The following PPP1R13B variants were observed in gnomAD, a reference collection of about 807,000 sequenced individuals.
PPP1R13B encodes the protein protein phosphatase 1 regulatory subunit 13B.
Under a neutral mutation model 119.8 loss-of-function variants are expected in PPP1R13B, and 44 were observed. The observed-to-expected ratio is 0.37, with a 90% CI of 0.29 to 0.47. The LOEUF is 0.47. Among genes scored for constraint, PPP1R13B ranks in the 20% least tolerant of loss-of-function variants. The pLI is 0.99. For synonymous variants in PPP1R13B, 542 were observed against 561.5 expected (o/e 0.97, Z 0.49); for missense variants, 1,227 against 1,413.5 (o/e 0.87, Z 2.12).
chr14:103,843,289 A>C (rs2086950896), intron 1 of PPP1R13B, among the ~76,000 whole-genome samples: 1 of 150,920 alleles, frequency 6.6e-6, no homozygotes, highest in African/African-American at 2.4e-5. Flanking sequence ...CACGAGAATC[A>C]CTTGAATCCA....
chr14:103,834,929 C>G (rs556435151), intron 1 of PPP1R13B, among the ~76,000 whole-genome samples: 1 of 152,122 alleles, frequency 6.6e-6, no homozygotes, highest in African/African-American at 2.4e-5. Context: ...TATTCTCTCT[C>G]TGTCCATATT....
At chr14:103,836,586 T>C (rs908702160) in intron 1 of PPP1R13B, among the ~76,000 whole-genome samples, 6 of 151,634 alleles carry the variant, frequency 4.0e-5, no homozygotes, top group Non-Finnish European at 5.9e-5. Flanking sequence ...CTAGCCAACA[T>C]GGCGAAACCC....
At chr14:103,781,160 A>T (rs781025637) in intron 3 of PPP1R13B, among the ~76,000 whole-genome samples, 1 of 152,200 alleles carries the variant, frequency 6.6e-6, no homozygotes, top group Admixed American at 6.6e-5. Context: ...GACATTAAGG[A>T]TTATGTACAT....
At chr14:103,841,954 C>CT (rs1173331208) in intron 1 of PPP1R13B, among the ~76,000 whole-genome samples, 2 of 152,138 alleles carry the variant, frequency 1.3e-5, no homozygotes, top group African/African-American at 4.8e-5. Flanking sequence ...CCCGAAGAGA[C>CT]TAAGTCCAAA....
At chr14:103,804,994 G>A (rs888862354) in intron 1 of PPP1R13B, among the ~76,000 whole-genome samples, 7 of 152,000 alleles carry the variant, frequency 4.6e-5, no homozygotes, top group African/African-American at 7.2e-5. Flanking sequence ...ACGCTATCAC[G>A]CCTGGCTAAT....
At chr14:103,843,709 C>T (rs139867377) in intron 1 of PPP1R13B, among the ~76,000 whole-genome samples, 49 of 152,278 alleles carry the variant, frequency 3.2e-4, no homozygotes, top group Non-Finnish European at 4.3e-4. Flanking sequence ...TATCCCAGCA[C>T]GTTGGGAGGC....
chr14:103,775,206 A>G (rs1054088739), intron 4 of PPP1R13B, among the ~76,000 whole-genome samples: 1 of 152,024 alleles, frequency 6.6e-6, no homozygotes, highest in Admixed American at 6.6e-5. Flanking sequence ...CAATGTATCT[A>G]TTTAATCTTC....
chr14:103,810,712 A>C (rs901205007), intron 1 of PPP1R13B, among the ~76,000 whole-genome samples: 3 of 151,932 alleles, frequency 2.0e-5, no homozygotes, highest in Admixed American at 1.3e-4. Context: ...TGGCGCTTGC[A>C]GTGAGCCGAG....
At chr14:103,824,925 T>C (rs2086501310) in intron 1 of PPP1R13B, among the ~76,000 whole-genome samples, 2 of 149,654 alleles carry the variant, frequency 1.3e-5, no homozygotes, top group Admixed American at 1.3e-4. Flanking sequence ...TGCTTTGCTT[T>C]ATTGAGTTCT....
At chr14:103,825,845 T>TC (rs1448142251) in intron 1 of PPP1R13B, among the ~76,000 whole-genome samples, 1 of 96,380 alleles carries the variant, frequency 1.0e-5, no homozygotes, top group Non-Finnish European at 1.9e-5. Context: ...TTTTTTCTTT[T>TC]CTTTTTTTTT....
intron 4 of PPP1R13B, among the ~76,000 whole-genome samples, chr14:103,761,731 C>T (rs2084810974): frequency 6.6e-6 from 1 of 151,096 alleles, no homozygotes; most frequent in East Asian, 1.9e-4. Context: ...CCACTGCACT[C>T]CAGCCTGGGC....
At chr14:103,786,766 CAAAAAAAAAA>C (rs1174732049) in intron 2 of PPP1R13B, among the ~76,000 whole-genome samples, 8 of 44,606 alleles carry the variant, frequency 1.8e-4, no homozygotes, top group Non-Finnish European at 3.1e-4. Context: ...AACTCTGTCT[CAAAAAAAAAA>C]AAAAAAAAAA....
At position 103,789,993 on chromosome 14, in the gene PPP1R13B, C is replaced by T. The variant is rs1177289703; in HGVS notation, c.158-5079G>A. 2.0e-5 allele frequency among the ~76,000 whole-genome samples: 3 copies of T among 152,206 alleles called. No individual in the cohort carries two copies. The East Asian group carries it at 5.8e-4, about 29-fold the overall frequency. ...GGGCCCGGTGGCTCACGTCCATAATCCCAGCACTTTGGGAGGCCGAGGCAG... is the reference window on the plus strand; with the variant it reads ...GGGCCCGGTGGCTCACGTCCATAATTCCAGCACTTTGGGAGGCCGAGGCAG... On this transcript the variant is annotated intron_variant, in intron 2 of 16. Transcript: ENST00000202556.
At chr14:103,839,820 G>A (rs750601506) in intron 1 of PPP1R13B, among the ~76,000 whole-genome samples, 4 of 152,046 alleles carry the variant, frequency 2.6e-5, no homozygotes, top group Non-Finnish European at 4.4e-5. Flanking sequence ...ACCACATGGC[G>A]TTTGCATTTT....
Position 103,736,087 on chromosome 14 carries a change from C to T in PPP1R13B, c.3147G>A (p.Leu1049=). The part of the protein sequence containing the change: ...SFHEGDALTI[L]RRKDESETEW... ...CAGTCTCGCTTTCGTCCTTGCGCCT[C>T]AGGATGGTGAGGGCGTCCCCTTCGT... Residue 1049 remains leucine, a synonymous_variant, in exon 16 of 17, where the codon CTG becomes CTA. Coordinates refer to ENST00000202556, the MANE Select transcript of PPP1R13B (RefSeq NM_015316.3). The T allele has an allele frequency of 6.2e-7, 1 of 1,614,234 alleles. No homozygotes were observed. Among genetic ancestry groups the T allele is most frequent in the African/African-American group, 1.3e-5 (1 of 75,062 alleles).
At chr14:103,762,168 G>A (rs2084822405) in intron 4 of PPP1R13B, among the ~76,000 whole-genome samples, 2 of 152,236 alleles carry the variant, frequency 1.3e-5, no homozygotes, top group Non-Finnish European at 2.9e-5. Context: ...ACCCAGAGAA[G>A]AGAGAGAACA....
chr14:103,756,021 A>T (rs551172369), intron 5 of PPP1R13B, among the ~76,000 whole-genome samples: 2 of 152,304 alleles, frequency 1.3e-5, no homozygotes, highest in East Asian at 3.9e-4. Context: ...AAATCTCTCT[A>T]CAGAAGAAAG....
At chr14:103,766,510 G>C (rs2084942815) in intron 4 of PPP1R13B, among the ~76,000 whole-genome samples, 1 of 152,156 alleles carries the variant, frequency 6.6e-6, no homozygotes. Flanking sequence ...GGTATCCGTG[G>C]TTGCTCCTAA....
chr14:103,763,120 G>A (rs1238411739), intron 4 of PPP1R13B: 3 of 711,430 alleles, frequency 4.2e-6, no homozygotes, highest in Non-Finnish European at 4.9e-6. Context: ...AGCTTTTCCC[G>A]CAGCTCCCTC....
Sources: allele counts gnomAD v4.1 joint callset (sites outside exome capture counted in the v4.1 genomes callset), GRCh38; gene constraint gnomAD v4.1.1; transcripts MANE v1.5; gene names NCBI Gene and HGNC (gene_info 2026-07-23, HGNC 2026-07-21).